The following STMND1 variants were observed in gnomAD, a reference collection of about 807,000 sequenced individuals.
STMND1 encodes the protein stathmin domain-containing protein 1.
Under a neutral mutation model 23.0 loss-of-function variants are expected in STMND1, and 17 were observed. The ratio of observed to expected loss-of-function variants is 0.74; its 90% CI spans 0.51 to 1.11. The LOEUF is 1.11. Ranked by LOEUF, STMND1 falls within the 50% of genes least tolerant of loss-of-function variation. STMND1 has a pLI of 0.00. For missense variants in STMND1, 305 were observed against 329.1 expected, an observed-to-expected ratio of 0.93 and a Z score of 0.57; for synonymous variants, 114 against 119.9, an observed-to-expected ratio of 0.95 and a Z score of 0.32.
At position 17,120,699 on chromosome 6, in the gene STMND1, C is replaced by CA; in HGVS notation, c.354dup (p.Gly119ArgfsTer11). 6.5e-7 allele frequency: 1 copy of CA among 1,535,088 alleles called. No homozygotes were observed. The highest frequency in any genetic ancestry group is 1.2e-5 in the South Asian group (1 of 83,898). ...AGATATCCTGGAGGAACTAATTGTT[C>CA]AAGGAATTATACAAAGCCACAGCAA... is the stretch of plus-strand genomic sequence containing the variant. On this transcript the variant is annotated frameshift_variant, in exon 3 of 5. Coordinates refer to ENST00000536551, the MANE Select transcript of STMND1 (RefSeq NM_001190766.2). LOFTEE classifies it high-confidence loss of function.
Position 17,130,843 on chromosome 6 carries a change from G to A in STMND1, c.793G>A (p.Asp265Asn). The A allele has an allele frequency of 1.3e-6, 2 of 1,535,156 alleles. No homozygotes were observed. Among genetic ancestry groups the A allele is most frequent in the South Asian group, 1.2e-5 (1 of 83,950 alleles). Reference sequence around the variant, plus strand: ...TGAAAGTTTTGGGGTCGTGGAGTCAGACATGTCCTACAACCAAGCAGATGA... The same window carrying A: ...TGAAAGTTTTGGGGTCGTGGAGTCAAACATGTCCTACAACCAAGCAGATGA... ...SDESFGVVES[D>N]MSYNQADDIV... is the part of the protein sequence containing the mutation. Residue 265 changes from aspartate (D) to asparagine (N), a missense_variant, in exon 5 of 5, where the codon GAC becomes AAC. Coordinates refer to ENST00000536551, the MANE Select transcript of STMND1 (RefSeq NM_001190766.2).
At chr6:17,130,438 G>C (rs771708274) in intron 4 of STMND1, among the ~76,000 whole-genome samples, 156 bp from the exon 5 acceptor site, 2 of 152,164 alleles carry the variant, frequency 1.3e-5, no homozygotes, top group Non-Finnish European at 2.9e-5. Context: ...GGCAGGCCCC[G>C]TGTCTGCCTT....
chr6:17,104,230 A>G (rs978806493), intron 1 of STMND1, among the ~76,000 whole-genome samples: 5 of 152,136 alleles, frequency 3.3e-5, no homozygotes, highest in East Asian at 3.9e-4. Context: ...ACGTAGAAAT[A>G]CTTTTTTCTC....
At chr6:17,118,268 AACATAAATG>A in intron 2 of STMND1, among the ~76,000 whole-genome samples, 1 of 152,286 alleles carries the variant, frequency 6.6e-6, no homozygotes, top group East Asian at 1.9e-4. Context: ...AGAAAATGCT[AACATAAATG>A]TTAGCTAGAT....
intron 1 of STMND1, among the ~76,000 whole-genome samples, chr6:17,111,647 TATA>T (rs1219912895): frequency 3.3e-5 from 5 of 152,282 alleles, no homozygotes; most frequent in African/African-American, 1.2e-4. Flanking sequence ...GTTACAGAAA[TATA>T]ATATAATTTA....
chr6:17,108,281 T>G (rs1385089199), intron 1 of STMND1, among the ~76,000 whole-genome samples: 1 of 152,210 alleles, frequency 6.6e-6, no homozygotes, highest in Non-Finnish European at 1.5e-5. Context: ...CAAGTTGTAA[T>G]GTACAGAAAG....
At chr6:17,113,816 AT>A (rs1240626095) in intron 1 of STMND1, among the ~76,000 whole-genome samples, 1 of 152,096 alleles carries the variant, frequency 6.6e-6, no homozygotes, top group African/African-American at 2.4e-5. Flanking sequence ...GTTATTATAA[AT>A]TGTTTTAATA....
intron 1 of STMND1, among the ~76,000 whole-genome samples, chr6:17,105,476 T>A (rs2113471365): frequency 6.6e-6 from 1 of 152,098 alleles, no homozygotes; most frequent in Non-Finnish European, 1.5e-5. Context: ...AGAAACCCTG[T>A]CTCTACTAAA....
At chr6:17,118,633 A>T (rs193099790) in intron 2 of STMND1, among the ~76,000 whole-genome samples, 197 of 152,326 alleles carry the variant, frequency 1.3e-3, no homozygotes, top group African/African-American at 4.7e-3. Context: ...GGTTACAATA[A>T]TTTTATTATG....
intron 3 of STMND1, among the ~76,000 whole-genome samples, chr6:17,126,051 TATATATATATATATA>T (rs1361497565): frequency 2.2e-3 from 71 of 32,594 alleles, no homozygotes; most frequent in African/African-American, 3.8e-3. Context: ...TATATATATA[TATATATATATATATA>T]TATATTTTTT....
intron 1 of STMND1, among the ~76,000 whole-genome samples, chr6:17,105,025 C>G (rs777110450): frequency 3.3e-5 from 5 of 151,838 alleles, no homozygotes; most frequent in African/African-American, 9.7e-5. Flanking sequence ...GTTATTGTGC[C>G]TTAAACATAC....
intron 2 of STMND1, 113 bp downstream of exon 2, chr6:17,115,252 T>C (rs1581369777): frequency 2.0e-6 from 2 of 982,718 alleles, no homozygotes; most frequent in East Asian, 2.7e-5. Context: ...GGCCATGAAG[T>C]ACATTAAATG....
At chr6:17,110,140 A>G (rs1295358376) in intron 1 of STMND1, among the ~76,000 whole-genome samples, 1 of 152,176 alleles carries the variant, frequency 6.6e-6, no homozygotes, top group South Asian at 2.1e-4. Context: ...TCAAGAACCA[A>G]TTCAGGCATT....
At chr6:17,106,487 C>A (rs4716108) in intron 1 of STMND1, among the ~76,000 whole-genome samples, 83,372 of 151,830 alleles carry the variant, frequency 0.55, 23,068 homozygotes, top group Middle Eastern at 0.69. Context: ...TCCTAGTAGC[C>A]TAACTAGACT....
At position 17,102,243 on chromosome 6, in the gene STMND1, GC is replaced by G; in HGVS notation, c.-14del. ...CAGCAGCCAAGCCCGCGGAGGAGGAGCGCGCGCGCGCAGCATGGGCTGTGGA... is the reference window on the plus strand; with the variant it reads ...CAGCAGCCAAGCCCGCGGAGGAGGAGGCGCGCGCGCAGCATGGGCTGTGGA... On this transcript the variant is annotated 5_prime_UTR_variant, in exon 1 of 5. Transcript: ENST00000536551. 6.7e-7 allele frequency: 1 copy of G among 1,498,208 alleles called. No homozygotes were observed. Among genetic ancestry groups the G allele is most frequent in the Non-Finnish European group, 8.9e-7 (1 of 1,127,606 alleles). The allele number at this position is 1,498,208 out of a possible 1,614,324, so 92.8% of individuals were successfully genotyped here.
rs80309260 is a variant in STMND1, at chr6:17,131,313, T to C, written c.*432T>C. ...ATTTTAATGGCTTATATGTTTTTTATGCTGTATGTCTATGGTTTTATAATT... is the reference window on the plus strand; with the variant it reads ...ATTTTAATGGCTTATATGTTTTTTACGCTGTATGTCTATGGTTTTATAATT... On this transcript the variant is annotated 3_prime_UTR_variant, in exon 5 of 5. Coordinates refer to ENST00000536551, the MANE Select transcript of STMND1 (RefSeq NM_001190766.2). 8.6e-3 allele frequency: 1,345 copies of C among 156,436 alleles called. 19 individuals carry two copies. Among genetic ancestry groups the C allele is most frequent in the African/African-American group, 0.031 (1,280 of 41,718 alleles). 9.7% of individuals were successfully genotyped at this position (156,436 alleles called of 1,614,324 possible).
intron 3 of STMND1, among the ~76,000 whole-genome samples, chr6:17,122,655 G>A (rs1487723302): frequency 6.6e-6 from 1 of 151,390 alleles, no homozygotes; most frequent in South Asian, 2.1e-4. Context: ...AGTATTTGGG[G>A]GAAAGGAAAG....
In STMND1 at chr6:17,120,846, A is replaced by C. The variant is rs1761223227; in HGVS notation, c.411+88A>C. On this transcript the variant is annotated intron_variant, in intron 3 of 4. Coordinates refer to ENST00000536551, the MANE Select transcript of STMND1 (RefSeq NM_001190766.2). ...ATGAGTCATTATTTCCAGCATATGC[A>C]AGTTACAATACAGATAACAGCATTT... The C allele has an allele frequency of 4.6e-6, 5 of 1,079,142 alleles. No homozygotes were observed. The East Asian group carries it at 1.0e-4, about 23-fold the overall frequency. The allele number at this position is 1,079,142 out of a possible 1,614,324, so 66.8% of individuals were successfully genotyped here. A position where few individuals can be genotyped will look rare whatever the true frequency, so the allele number is the denominator to read the frequency against.
chr6:17,125,718 G>C (rs1378212153), intron 3 of STMND1, among the ~76,000 whole-genome samples: 1 of 152,066 alleles, frequency 6.6e-6, no homozygotes, highest in Non-Finnish European at 1.5e-5. Flanking sequence ...AGAATGAAGG[G>C]CTGTTTTGCA....
Sources: allele counts gnomAD v4.1 joint callset (sites outside exome capture counted in the v4.1 genomes callset), GRCh38; gene constraint gnomAD v4.1.1; transcripts MANE v1.5; gene names NCBI Gene and HGNC (gene_info 2026-07-23, HGNC 2026-07-21).